Variants in KANK2 observed in about 807,000 individuals in gnomAD.
KANK2 encodes KN motif and ankyrin repeat domain-containing protein 2.
KANK2 carries 41 observed loss-of-function variants against 74.6 expected under a neutral mutation model. The ratio of observed to expected loss-of-function variants is 0.55; its 90% CI spans 0.43 to 0.71. The LOEUF (loss-of-function observed/expected upper bound fraction) is 0.71, where lower values mean the gene tolerates loss of function less well. KANK2 is among the 30% of genes least tolerant of loss of function. The pLI is 0.00. For synonymous variants in KANK2, 537 were observed against 519.0 expected (o/e 1.03, Z -0.47); for missense variants, 1,148 against 1,196.4 (o/e 0.96, Z 0.60).
chr19:11,189,116 C>CCT (rs2078764696), intron 4 of KANK2, among the ~76,000 whole-genome samples: 26 of 147,482 alleles, frequency 1.8e-4, no homozygotes, highest in African/African-American at 6.1e-4. Flanking sequence ...CACCCCCGCC[C>CCT]ACAAGATTGG....
chr19:11,176,942 T>TACTGCC, intron 6 of KANK2, 125 bp from the exon 7 acceptor site: 1 of 1,128,732 alleles, frequency 8.9e-7, no homozygotes, highest in Non-Finnish European at 1.2e-6. Context: ...TCAATGGCAG[T>TACTGCC]ATTGACATTC....
At position 11,166,272 on chromosome 19, in the gene KANK2, T is replaced by C. The variant is rs992376000; in HGVS notation, c.*286A>G. The stretch of plus-strand genomic sequence containing the variant: ...AGCTGATTGTTCTCAATGTTCTTCA[T>C]AAAACCCACACCCCAGCATCAGCCC... On this transcript the variant is annotated 3_prime_UTR_variant, in exon 13 of 13. Coordinates refer to ENST00000586659, the MANE Select transcript of KANK2 (RefSeq NM_001136191.3). The C allele has an allele frequency of 3.1e-6, 1 of 327,114 alleles. No individual in the cohort carries two copies. Among genetic ancestry groups the C allele is most frequent in the Non-Finnish European group, 5.6e-6 (1 of 179,834 alleles). The allele number at this position is 327,114 out of a possible 1,614,324, so 20.3% of individuals were successfully genotyped here.
chr19:11,180,812 G>A (rs1265011743), intron 4 of KANK2, among the ~76,000 whole-genome samples: 2 of 152,108 alleles, frequency 1.3e-5, no homozygotes, highest in African/African-American at 2.4e-5. Context: ...GAGGCCGGGC[G>A]CAGTAGCTCA....
chr19:11,189,098 T>TA (rs111510557), intron 4 of KANK2, among the ~76,000 whole-genome samples: 5 of 126,582 alleles, frequency 4.0e-5, no homozygotes, highest in Non-Finnish European at 6.3e-5. Context: ...ATTGATTCTC[T>TA]CCCCCCCCAC....
chr19:11,171,853 T>C (rs2078183447), intron 10 of KANK2, among the ~76,000 whole-genome samples: 1 of 148,498 alleles, frequency 6.7e-6, no homozygotes, highest in Non-Finnish European at 1.5e-5. Flanking sequence ...ATATATTTTT[T>C]TTAGTAGAGA....
At chr19:11,190,987 T>C (rs940943885) in intron 4 of KANK2, among the ~76,000 whole-genome samples, 1 of 150,510 alleles carries the variant, frequency 6.6e-6, no homozygotes, top group African/African-American at 2.5e-5. Context: ...TGCCTCTGCC[T>C]CCCAAAGTGC....
At chr19:11,166,697 G>A (rs2078031416) in intron 12 of KANK2, 86 bp from the exon 13 acceptor site, 2 of 1,313,820 alleles carry the variant, frequency 1.5e-6, no homozygotes, top group East Asian at 4.6e-5. Flanking sequence ...TGGTAGATAT[G>A]ATGGGTAAGC....
chr19:11,178,308 G>T, intron 6 of KANK2, 37 bp downstream of exon 6: 1 of 790,772 alleles, frequency 1.3e-6, no homozygotes, highest in Non-Finnish European at 1.7e-6. Context: ...GGAGGGGCGG[G>T]AAGTATGGGG....
At chr19:11,183,205 T>C (rs184492031) in intron 4 of KANK2, among the ~76,000 whole-genome samples, 1 of 152,272 alleles carries the variant, frequency 6.6e-6, no homozygotes, top group East Asian at 1.9e-4. Context: ...CAGGGCATTT[T>C]TGCATTAATA....
rs1454600805 is a variant in KANK2 at position 11,192,859 on chromosome 19, G to A, written c.1221C>T (p.Ile407=). The A allele has an allele frequency of 6.2e-7, 1 of 1,613,040 alleles. No individual in the cohort carries two copies. The highest frequency in any genetic ancestry group is 8.5e-7 in the Non-Finnish European group (1 of 1,179,872). Residue 407 remains isoleucine (I), a synonymous_variant, in exon 4 of 13, where the codon ATC becomes ATT. Transcript: ENST00000586659. ...CTGCTCCATCGCAGCTTCGCTCTGT[G>A]ATGCTAATCTTCTTCACCATATGGA... ...SNVHMVKKIS[I]TERSCDGAAG...
chr19:11,166,542 C>T lies in KANK2; in HGVS notation c.*16G>A, dbSNP rs947929094. On this transcript the variant is annotated 3_prime_UTR_variant, in exon 13 of 13. Transcript: ENST00000586659. ...CGGTTTGCTCCCGGTCTGGCTGGTC[C>T]CCGCCTCCCTCACGGCTACTCTTCT... 5 of 1,613,020 alleles carry T rather than the reference C, an allele frequency of 3.1e-6. No individual in the cohort carries two copies. In the East Asian group the frequency reaches 6.7e-5, roughly 22 times the overall value.
chr19:11,187,279 AAG>A (rs2078704182), intron 4 of KANK2, among the ~76,000 whole-genome samples: 1 of 152,180 alleles, frequency 6.6e-6, no homozygotes, highest in Admixed American at 6.5e-5. Context: ...GAAGAAAAAA[AAG>A]AAAATAAAAA....
At chr19:11,178,260 T>A (rs1600812860) in intron 6 of KANK2, 85 bp downstream of exon 6, 2 of 1,065,138 alleles carry the variant, frequency 1.9e-6, no homozygotes, top group Non-Finnish European at 2.5e-6. Flanking sequence ...GAGCTCAGAA[T>A]GAGGTAATTA....
rs753245161 is a variant in KANK2 at position 11,166,646 on chromosome 19, A to G, written c.2503-35T>C. The G allele has an allele frequency of 3.7e-6, 6 of 1,606,294 alleles. No individual in the cohort carries two copies. The South Asian group carries it at 6.6e-5, about 18-fold the overall frequency. On this transcript the variant is annotated intron_variant, in intron 12 of 12. Coordinates refer to ENST00000586659, the MANE Select transcript of KANK2 (RefSeq NM_001136191.3). ...AGAAGCAGAATTCTTTTTGTTTGGG[A>G]TCCTTTCCAATCCCCCGAGGCGCCA...
Position 11,166,308 on chromosome 19 carries a change from G to A in KANK2, c.*250C>T. 2.3e-6 allele frequency: 1 copy of A among 435,478 alleles called. No homozygotes were observed. The highest frequency in any genetic ancestry group is 4.1e-6 in the Non-Finnish European group (1 of 244,520). 27.0% of individuals were successfully genotyped at this position (435,478 alleles called of 1,614,324 possible). A position where few individuals can be genotyped will look rare whatever the true frequency, so the allele number is the denominator to read the frequency against. On this transcript the variant is annotated 3_prime_UTR_variant, in exon 13 of 13. Coordinates refer to ENST00000586659, the MANE Select transcript of KANK2 (RefSeq NM_001136191.3). The stretch of plus-strand genomic sequence containing the variant: ...CCCCAGCATCAGCCCTGGCGCCAAT[G>A]TATACAAGAATTTTGCTTCGGTCTG...
chr19:11,176,818 C>G lies in KANK2; in HGVS notation c.1521-1G>C. Reference sequence around the variant, plus strand: ...GGAGTCCTCGGATGACGACTCATACCTGGGGAGGAACGAGCGGGGAGGGGG... The same window carrying G: ...GGAGTCCTCGGATGACGACTCATACGTGGGGAGGAACGAGCGGGGAGGGGG... On this transcript the variant is annotated splice_acceptor_variant, in intron 6 of 12. Transcript: ENST00000586659. LOFTEE classifies it high-confidence loss of function. 6.6e-7 allele frequency: 1 copy of G among 1,508,724 alleles called. No individual in the cohort carries two copies. Among genetic ancestry groups the G allele is most frequent in the Non-Finnish European group, 8.9e-7 (1 of 1,126,604 alleles). 93.5% of individuals were successfully genotyped at this position (1,508,724 alleles called of 1,614,324 possible). A position where few individuals can be genotyped will look rare whatever the true frequency, so the allele number is the denominator to read the frequency against.
rs540167030 is a variant in KANK2, at chr19:11,194,637, G to T, written c.-79-47C>A. 3.6e-5 allele frequency: 27 copies of T among 740,034 alleles called. No individual in the cohort carries two copies. In the African/African-American group the frequency reaches 3.9e-4, roughly 11 times the overall value. The allele number at this position is 740,034 out of a possible 1,614,324, so 45.8% of individuals were successfully genotyped here. ...GCCGGGAGTTAGGAGTCTGTAGGGG[G>T]AGGGGAGGAGATGAGGCCAGCCCCC... On this transcript the variant is annotated intron_variant, in intron 2 of 12. Transcript: ENST00000586659.
intron 1 of KANK2, chr19:11,197,231 T>C (rs78645314): frequency 0.053 from 3,013 of 56,612 alleles, 103 homozygotes; most frequent in East Asian, 0.32. Context: ...GAGGAATCGA[T>C]GGGGGGTACT....
chr19:11,196,649 C>G (rs1905194860), intron 1 of KANK2: 1 of 152,236 alleles, frequency 6.6e-6, no homozygotes, highest in South Asian at 2.1e-4. Flanking sequence ...TGAGGACCAG[C>G]ACGTCCCGAG....
Sources: gnomAD v4.1 joint callset for allele counts (sites outside exome capture counted in the v4.1 genomes callset) on GRCh38, gnomAD v4.1.1 for gene constraint, MANE v1.5 for transcripts, NCBI Gene and HGNC (gene_info 2026-07-23, HGNC 2026-07-21) for gene names.